Variants in PPP2R2C observed in about 807,000 individuals in gnomAD.
PPP2R2C encodes the protein protein phosphatase 2, regulatory subunit B, gamma.
PPP2R2C carries 10 observed loss-of-function variants against 45.3 expected under a neutral mutation model. The ratio of observed to expected loss-of-function variants is 0.22; its 90% CI spans 0.14 to 0.37. PPP2R2C has a LOEUF of 0.37. Ranked by LOEUF, PPP2R2C falls within the 10% of genes least tolerant of loss-of-function variation. The pLI is 1.00. For missense variants in PPP2R2C, 308 were observed against 619.7 expected (o/e 0.50, Z 5.34); for synonymous variants, 257 against 245.4 (o/e 1.05, Z -0.44).
chr4:6,351,390 C>T (rs1712538256), intron 5 of PPP2R2C: 6 of 983,670 alleles, frequency 6.1e-6, no homozygotes, highest in Middle Eastern at 5.2e-4. Context: ...CTGTGGCAAA[C>T]ACACCCGAGC....
At chr4:6,467,175 A>T (rs1721642701) in intron 1 of PPP2R2C, among the ~76,000 whole-genome samples, 1 of 152,198 alleles carries the variant, frequency 6.6e-6, no homozygotes. Context: ...GGAACACAGA[A>T]TCTGAACAGT....
rs543036535 is a variant in PPP2R2C, at chr4:6,368,531, G to A, written c.625+3992C>T. 2.6e-5 allele frequency among the ~76,000 whole-genome samples: 4 copies of A among 152,288 alleles called. No individual in the cohort carries two copies. Among genetic ancestry groups the A allele is most frequent in the South Asian group, 2.1e-4 (1 of 4,812 alleles). On this transcript the variant is annotated intron_variant, in intron 5 of 8. Coordinates refer to ENST00000382599, the MANE Select transcript of PPP2R2C (RefSeq NM_020416.4). The surrounding 1 kb of genome is among the most constrained non-coding windows in gnomAD (Gnocchi z 4.2). ...CGGACAGGGCACAATCTGTGTGTTC[G>A]GGACGGGACAGGAGGCAAGGCTCAC...
In PPP2R2C at chr4:6,472,377, G is replaced by T; in HGVS notation, c.-148C>A. 1 of 1,039,108 alleles carries T rather than the reference G, an allele frequency of 9.6e-7. No homozygotes were observed. Among genetic ancestry groups the T allele is most frequent in the South Asian group, 4.5e-5 (1 of 22,430 alleles). 64.4% of individuals were successfully genotyped at this position (1,039,108 alleles called of 1,614,324 possible). A position where few individuals can be genotyped will look rare whatever the true frequency, so the allele number is the denominator to read the frequency against. On this transcript the variant is annotated 5_prime_UTR_variant, in exon 1 of 9. Coordinates refer to ENST00000382599, the MANE Select transcript of PPP2R2C (RefSeq NM_020416.4). ...CCCGAAGGGAGGGCATCGCGGCAGGGGGACGGGCGGGGGCGGCCGGGGGCG... is the reference window on the plus strand; with the variant it reads ...CCCGAAGGGAGGGCATCGCGGCAGGTGGACGGGCGGGGGCGGCCGGGGGCG...
intron 2 of PPP2R2C, among the ~76,000 whole-genome samples, chr4:6,481,965 C>T (rs1012992468): frequency 6.3e-5 from 7 of 110,562 alleles, no homozygotes; most frequent in Admixed American, 2.9e-4. Flanking sequence ...GGTGACAGAG[C>T]GAGACTCCGT....
At chr4:6,338,546 C>A (rs572037677) in intron 6 of PPP2R2C, among the ~76,000 whole-genome samples, 27 of 152,284 alleles carry the variant, frequency 1.8e-4, no homozygotes, top group African/African-American at 5.8e-4. Flanking sequence ...TCACACAGAG[C>A]CGACGGCACC....
Position 6,332,252 on chromosome 4 carries a change from T to C in PPP2R2C, c.960+1310A>G, listed in dbSNP as rs2109171150. Among the ~76,000 whole-genome samples the C allele has an allele frequency of 6.6e-6, 1 of 152,310 alleles. No individual in the cohort carries two copies. Among genetic ancestry groups the C allele is most frequent in the Middle Eastern group, 3.4e-3 (1 of 294 alleles). ...CCTCCAGAGGGAGCCAGAGAGTTGCTCCTGCAGGCTTGAGCCGGGCTTATC... is the reference window on the plus strand; with the variant it reads ...CCTCCAGAGGGAGCCAGAGAGTTGCCCCTGCAGGCTTGAGCCGGGCTTATC... On this transcript the variant is annotated intron_variant, in intron 7 of 8. Coordinates refer to ENST00000382599, the MANE Select transcript of PPP2R2C (RefSeq NM_020416.4). This position sits in a 1 kb window ranked among gnomAD's most constrained non-coding sequence, Gnocchi z 4.9.
At chr4:6,467,260 C>G (rs1320696827) in intron 1 of PPP2R2C, among the ~76,000 whole-genome samples, 1 of 152,218 alleles carries the variant, frequency 6.6e-6, no homozygotes, top group Non-Finnish European at 1.5e-5. Flanking sequence ...TGTCCCCCCT[C>G]TTAGCCTCAG....
intron 1 of PPP2R2C, among the ~76,000 whole-genome samples, 156 bp downstream of exon 1, chr4:6,472,004 A>G (rs1382453750): frequency 1.3e-4 from 2 of 15,090 alleles, no homozygotes; most frequent in Non-Finnish European, 1.3e-4. Flanking sequence ...GCAGGGTGGG[A>G]TGGGATGGGG....
At chr4:6,414,753 C>G (rs1257469196) in intron 1 of PPP2R2C, among the ~76,000 whole-genome samples, 1 of 152,046 alleles carries the variant, frequency 6.6e-6, no homozygotes, top group Non-Finnish European at 1.5e-5. Context: ...GGTGGGAGAG[C>G]CCAATGGGAA....
Position 6,378,470 on chromosome 4 carries a change from TCTC to T in PPP2R2C, c.268_270del (p.Glu90del). 6.2e-7 allele frequency: 1 copy of T among 1,614,140 alleles called. No homozygotes were observed. Among genetic ancestry groups the T allele is most frequent in the Non-Finnish European group, 8.5e-7 (1 of 1,180,030 alleles). Reference sequence around the variant, plus strand: ...GGGAGCCACTTGATCTTGTTGATCTTCTCCTCTATCTCCAGGCTCTTGAGATAG... The same window carrying T: ...GGGAGCCACTTGATCTTGTTGATCTTCTCTATCTCCAGGCTCTTGAGATAG... On this transcript the variant is annotated inframe_deletion, in exon 3 of 9. Coordinates refer to ENST00000382599, the MANE Select transcript of PPP2R2C (RefSeq NM_020416.4). The surrounding 1 kb of genome is among the most constrained non-coding windows in gnomAD (Gnocchi z 5.2).
intron 1 of PPP2R2C, among the ~76,000 whole-genome samples, chr4:6,454,766 C>T (rs193260209): frequency 6.6e-6 from 1 of 152,326 alleles, no homozygotes; most frequent in Admixed American, 6.5e-5. Flanking sequence ...TGGGACTCAA[C>T]CTCTCTGAGG....
intron 1 of PPP2R2C, among the ~76,000 whole-genome samples, chr4:6,441,607 G>A (rs917040160): frequency 3.9e-5 from 6 of 152,176 alleles, no homozygotes; most frequent in African/African-American, 7.2e-5. Flanking sequence ...CTCTGTACGT[G>A]TCACCTGCAG....
intron 1 of PPP2R2C, among the ~76,000 whole-genome samples, chr4:6,427,196 G>A (rs2109403038): frequency 6.6e-6 from 1 of 152,360 alleles, no homozygotes; most frequent in South Asian, 2.1e-4. Flanking sequence ...TGTATGCCCA[G>A]TGCCTAGAAT....
At chr4:6,535,211 A>C in intron 2 of PPP2R2C, 1 of 1,516,474 alleles carries the variant, frequency 6.6e-7, no homozygotes, top group Non-Finnish European at 8.9e-7. Context: ...CCTGTGACCC[A>C]CAGCCCACGT....
intron 2 of PPP2R2C, among the ~76,000 whole-genome samples, chr4:6,527,851 C>A (rs976220265): frequency 2.0e-5 from 3 of 152,198 alleles, no homozygotes; most frequent in South Asian, 4.2e-4. Context: ...CCACCCTGGA[C>A]AGAAGGCAGG....
intron 2 of PPP2R2C, among the ~76,000 whole-genome samples, chr4:6,490,276 G>T (rs1448033438): frequency 1.3e-5 from 2 of 152,186 alleles, no homozygotes; most frequent in African/African-American, 2.4e-5. Flanking sequence ...TAAAGGGACT[G>T]CAGGGAATGA....
chr4:6,339,798 G>A (rs1413606368), intron 6 of PPP2R2C, among the ~76,000 whole-genome samples: 6 of 152,238 alleles, frequency 3.9e-5, no homozygotes, highest in African/African-American at 4.8e-5. Context: ...CCCTGGCCAC[G>A]GGTCCCTCCT....
At position 6,383,182 on chromosome 4, in the gene PPP2R2C, G is replaced by A. The variant is rs185308310; in HGVS notation, c.71-2088C>T. On this transcript the variant is annotated intron_variant, in intron 1 of 8. Transcript: ENST00000382599. ...TGGCGGTACCAGGAGCAGGACCTGC[G>A]CAGGCTGGCCCACTGGCCCCTGAGG... 80 of 1,183,752 alleles carry A rather than the reference G, an allele frequency of 6.8e-5. 2 individuals carry two copies. Among genetic ancestry groups the A allele is most frequent in the South Asian group, 6.6e-4 (42 of 63,708 alleles). The allele number at this position is 1,183,752 out of a possible 1,614,324, so 73.3% of individuals were successfully genotyped here.
intron 1 of PPP2R2C, among the ~76,000 whole-genome samples, chr4:6,454,211 T>C (rs2108749793): frequency 6.6e-6 from 1 of 152,238 alleles, no homozygotes; most frequent in Admixed American, 6.5e-5. Flanking sequence ...GCACACCGTG[T>C]TTCCCAGGGA....
Sources: gnomAD v4.1 joint callset for allele counts (sites outside exome capture counted in the v4.1 genomes callset) on GRCh38, gnomAD v4.1.1 for gene constraint, Gnocchi (gnomAD v3.1) non-coding constraint, MANE v1.5 for transcripts, NCBI Gene and HGNC (gene_info 2026-07-23, HGNC 2026-07-21) for gene names.